The following SYNE2 variants were observed in gnomAD, a reference collection of about 807,000 sequenced individuals.
SYNE2 encodes the protein nesprin-2.
Under a neutral mutation model 856.3 loss-of-function variants are expected in SYNE2, and 431 were observed. That is an observed-to-expected ratio of 0.50 (90% CI 0.47 to 0.55). The LOEUF (loss-of-function observed/expected upper bound fraction) is 0.55, where lower values mean the gene tolerates loss of function less well. Among genes scored for constraint, SYNE2 ranks in the 20% least tolerant of loss-of-function variants. The pLI, the probability that SYNE2 is intolerant of heterozygous loss-of-function variation, is 0.00. For synonymous variants in SYNE2, 2,923 were observed against 2,872.3 expected (o/e 1.02, Z -0.56); for missense variants, 8,129 against 8,023.2 (o/e 1.01, Z -0.50).
rs2098311169 is a variant in SYNE2, at chr14:64,159,437, T to C, written c.16089T>C (p.His5363=). 1.2e-6 allele frequency: 2 copies of C among 1,613,534 alleles called. No homozygotes were observed. Among genetic ancestry groups the C allele is most frequent in the Non-Finnish European group, 1.7e-6 (2 of 1,179,722 alleles). ...TCGAAGAGAAATGCCAAAATACTCA[T>C]AAAAGGTATGCTTTCAGATATAATT... ...EIIEEKCQNT[H]KRWTQVNQAI... is the part of the protein sequence containing the mutation. Residue 5363 remains histidine, a synonymous_variant, in exon 87 of 116, where the codon CAT becomes CAC. Coordinates refer to ENST00000555002, the MANE Select transcript of SYNE2 (RefSeq NM_182914.3).
At position 64,221,619 on chromosome 14, in the gene SYNE2, G is replaced by C. The variant is rs899908578; in HGVS notation, c.20105G>C (p.Ser6702Thr). The change falls in exon 112 of 116, where the codon AGT becomes ACT. Residue 6702 changes from serine (S) to threonine (T), a missense_variant. This residue lies in a region of SYNE2 where 5,410 missense variants were observed against 5,284.8 expected (regional missense o/e 1.02). Transcript: ENST00000555002. ...LSQNLLLWLASAKNRRQKAHV... is the reference protein window; with the variant it reads ...LSQNLLLWLATAKNRRQKAHV... ...CAAAATCTGCTGCTGTGGTTAGCGA[G>C]TGCCAAGAACCGGAGGCAGAAGGCT... 11 of 1,614,160 alleles carry C rather than the reference G, an allele frequency of 6.8e-6. No homozygotes were observed. Among genetic ancestry groups the C allele is most frequent in the Non-Finnish European group, 9.3e-6 (11 of 1,180,034 alleles).
Position 63,991,124 on chromosome 14 carries a change from C to T in SYNE2, c.2646+9C>T. The T allele has an allele frequency of 6.2e-7, 1 of 1,613,754 alleles. No homozygotes were observed. The highest frequency in any genetic ancestry group is 2.2e-5 in the East Asian group (1 of 44,860). ...TCATTTCAAAACACAAGGTGGGAAT[C>T]TTTTCAACCATCAAATGTAGGACAT... is the stretch of plus-strand genomic sequence containing the variant. On this transcript the variant is annotated intron_variant, in intron 21 of 115. Coordinates refer to ENST00000555002, the MANE Select transcript of SYNE2 (RefSeq NM_182914.3).
At chr14:63,841,782 G>A (rs1468306738) in intron 1 of SYNE2, among the ~76,000 whole-genome samples, 4 of 149,982 alleles carry the variant, frequency 2.7e-5, no homozygotes, top group Non-Finnish European at 5.9e-5. Context: ...ATTTTTCTGT[G>A]AATTGTCTGT....
rs1234131046 is a variant in SYNE2, at chr14:63,862,007, ACCCAGGT to A, written c.-52+8867_-52+8873del. On this transcript the variant is annotated intron_variant, in intron 1 of 115. Transcript: ENST00000555002. ...TATTAAATCCTGTCAATCTGGTTTT[ACCCAGGT>A]CCTCACATATCCCACCCGTGCTGGA... Among the ~76,000 whole-genome samples, 4 of 152,222 alleles carry A rather than the reference ACCCAGGT, an allele frequency of 2.6e-5. No individual in the cohort carries two copies. The South Asian group carries it at 8.3e-4, about 31-fold the overall frequency.
At chr14:63,948,192 C>CAT (rs2096068006) in intron 6 of SYNE2, among the ~76,000 whole-genome samples, 2 of 151,900 alleles carry the variant, frequency 1.3e-5, no homozygotes. Context: ...CACACACACA[C>CAT]ACACACTCCT....
chr14:64,212,754 G>A, intron 104 of SYNE2, 57 bp from the exon 105 acceptor site: 1 of 1,511,844 alleles, frequency 6.6e-7, no homozygotes, highest in Non-Finnish European at 9.2e-7. Flanking sequence ...GAAGAAACAG[G>A]CAGTGGAAGC....
chr14:63,949,312 A>G (rs1007916673), intron 6 of SYNE2, among the ~76,000 whole-genome samples: 18 of 152,168 alleles, frequency 1.2e-4, no homozygotes, highest in African/African-American at 4.1e-4. Flanking sequence ...CTTTTGCTGT[A>G]TACATTTAAA....
chr14:63,898,951 A>G (rs1192401545), intron 1 of SYNE2, among the ~76,000 whole-genome samples: 1 of 152,180 alleles, frequency 6.6e-6, no homozygotes, highest in Non-Finnish European at 1.5e-5. Context: ...AACCATCACC[A>G]CCATCCATTT....
At chr14:64,021,707 C>T in intron 36 of SYNE2, 150 bp from the exon 37 acceptor site, 1 of 995,646 alleles carries the variant, frequency 1.0e-6, no homozygotes, top group Non-Finnish European at 1.5e-6. Context: ...TATTAACTTG[C>T]ATTGTATCAT....
chr14:63,783,196 C>T (rs1207388134), intron 1 of SYNE2, among the ~76,000 whole-genome samples: 1 of 152,152 alleles, frequency 6.6e-6, no homozygotes, highest in Non-Finnish European at 1.5e-5. Flanking sequence ...CTCGCGAGAT[C>T]TGATCGTTTT....
At chr14:64,022,708 AAGTCTT>A in intron 37 of SYNE2, 37 bp from the exon 38 acceptor site, 1 of 962,842 alleles carries the variant, frequency 1.0e-6, no homozygotes, top group Non-Finnish European at 1.7e-6. Flanking sequence ...AAGATGTATG[AAGTCTT>A]CCTTGAATGA....
At chr14:64,019,765 G>A (rs1417450837) in intron 34 of SYNE2, among the ~76,000 whole-genome samples, 2 of 152,140 alleles carry the variant, frequency 1.3e-5, no homozygotes, top group African/African-American at 4.8e-5. Context: ...TGTGGCACAG[G>A]CCTAGCCTTT....
intron 45 of SYNE2, among the ~76,000 whole-genome samples, chr14:64,036,282 C>T (rs946329810): frequency 1.3e-5 from 2 of 151,520 alleles, no homozygotes; most frequent in East Asian, 1.9e-4. Context: ...CCTGTTCTAT[C>T]GTTCTTTTTG....
At position 64,209,345 on chromosome 14, in the gene SYNE2, G is replaced by A. The variant is rs987070734; in HGVS notation, c.18390-83G>A. 3.1e-5 allele frequency: 50 copies of A among 1,608,274 alleles called. No homozygotes were observed. The South Asian group carries it at 4.1e-4, about 13-fold the overall frequency. On this transcript the variant is annotated intron_variant, in intron 101 of 115. Coordinates refer to ENST00000555002, the MANE Select transcript of SYNE2 (RefSeq NM_182914.3). ...GTAACAGGGTCTCCCCCACTAAACC[G>A]TGCGGGTGTCAGGGGATAAAAGAAG...
rs1482342326 is a variant in SYNE2, at chr14:64,056,114, C to T, written c.9915C>T (p.Ser3305=). Residue 3305 remains serine (S), a synonymous_variant, in exon 49 of 116, where the codon TCC becomes TCT. Coordinates refer to ENST00000555002, the MANE Select transcript of SYNE2 (RefSeq NM_182914.3). ...MPLRKQEELE[S]TVAHIQDLTE... Reference sequence around the variant, plus strand: ...TTCGAAAACAAGAGGAATTGGAATCCACAGTAGCACACATCCAGGACCTCA... The same window carrying T: ...TTCGAAAACAAGAGGAATTGGAATCTACAGTAGCACACATCCAGGACCTCA... The T allele has an allele frequency of 6.2e-7, 1 of 1,613,926 alleles. No individual in the cohort carries two copies. The highest frequency in any genetic ancestry group is 8.5e-7 in the Non-Finnish European group (1 of 1,180,014).
chr14:63,892,411 T>C (rs1422175512), intron 1 of SYNE2, among the ~76,000 whole-genome samples: 1 of 151,754 alleles, frequency 6.6e-6, no homozygotes, highest in Non-Finnish European at 1.5e-5. Context: ...TCCAGAGTAG[T>C]TTCATGTTCT....
chr14:64,036,155 G>T (rs1442348207), intron 45 of SYNE2, among the ~76,000 whole-genome samples: 1 of 150,722 alleles, frequency 6.6e-6, no homozygotes, highest in Non-Finnish European at 1.5e-5. Context: ...ATATAATCCT[G>T]GCATTTGTTT....
intron 102 of SYNE2, 112 bp from the exon 103 acceptor site, chr14:64,209,830 C>T (rs138323167): frequency 2.1e-6 from 3 of 1,442,528 alleles, no homozygotes; most frequent in Middle Eastern, 1.7e-4. Context: ...CCTCTGCTGC[C>T]ATTGCAGTTT....
chr14:63,811,052 T>G (rs1888596660), intron 1 of SYNE2, among the ~76,000 whole-genome samples: 1 of 152,084 alleles, frequency 6.6e-6, no homozygotes, highest in Non-Finnish European at 1.5e-5. Context: ...AGACAGGATG[T>G]TCTTGATCTC....
Sources: allele counts gnomAD v4.1 joint callset (sites outside exome capture counted in the v4.1 genomes callset), GRCh38; gene constraint gnomAD v4.1.1; regional missense constraint gnomAD v4.1.1; transcripts MANE v1.5; gene names NCBI Gene and HGNC (gene_info 2026-07-23, HGNC 2026-07-21).